UNC13C: variants seen among roughly 807,000 people sequenced by gnomAD.
UNC13C encodes the protein unc-13 homolog C.
A neutral mutation model predicts 245.4 loss-of-function variants in UNC13C; 174 were observed. The ratio of observed to expected loss-of-function variants is 0.71; its 90% CI spans 0.63 to 0.80. UNC13C has a LOEUF of 0.80. Ranked by LOEUF, UNC13C falls within the 30% of genes least tolerant of loss-of-function variation. UNC13C has a pLI of 0.00. For missense variants in UNC13C, 2,829 were observed against 2,602.9 expected (o/e 1.09, Z -1.89); for synonymous variants, 992 against 895.1 (o/e 1.11, Z -1.93).
chr15:54,414,882 A>C, intron 18 of UNC13C, 100 bp from the exon 19 acceptor site: 1 of 619,518 alleles, frequency 1.6e-6, no homozygotes, highest in South Asian at 2.8e-5. Context: ...GTATTTATGA[A>C]CTATGTAATA....
At chr15:54,467,519 C>G (rs967047405) in intron 19 of UNC13C, among the ~76,000 whole-genome samples, 2 of 151,576 alleles carry the variant, frequency 1.3e-5, no homozygotes, top group African/African-American at 4.8e-5. Context: ...TTGAAATACA[C>G]AATAAATTAT....
At chr15:54,500,515 T>A (rs1017694791) in intron 21 of UNC13C, among the ~76,000 whole-genome samples, 1 of 152,080 alleles carries the variant, frequency 6.6e-6, no homozygotes, top group African/African-American at 2.4e-5. Context: ...TCCCAGTCCC[T>A]GTGAAGCAGC....
intron 2 of UNC13C, among the ~76,000 whole-genome samples, chr15:54,043,321 T>C (rs1281365676): frequency 2.6e-5 from 4 of 152,212 alleles, no homozygotes; most frequent in African/African-American, 7.2e-5. Flanking sequence ...TCTGGAGATA[T>C]TAAGCCAGCA....
intron 29 of UNC13C, among the ~76,000 whole-genome samples, chr15:54,558,975 G>A (rs936426990): frequency 2.0e-5 from 3 of 151,814 alleles, no homozygotes; most frequent in South Asian, 2.1e-4. Context: ...AAGAGAAATA[G>A]CAGTTACACT....
chr15:54,237,734 C>A, intron 7 of UNC13C, 44 bp downstream of exon 7: 1 of 1,431,464 alleles, frequency 7.0e-7, no homozygotes, highest in Non-Finnish European at 9.7e-7. Flanking sequence ...AGATATTGCT[C>A]ATAATCACAA....
Position 54,567,855 on chromosome 15 carries a change from C to G in UNC13C, c.6014C>G (p.Pro2005Arg), listed in dbSNP as rs753630567. 1.9e-6 allele frequency: 3 copies of G among 1,603,700 alleles called. No homozygotes were observed. The highest frequency in any genetic ancestry group is 2.2e-5 in the East Asian group (1 of 44,582). The change falls in exon 30 of 33, where the codon CCA becomes CGA. Residue 2005 changes from proline (P) to arginine (R), a missense_variant. Transcript: ENST00000260323. Reference protein sequence around the residue: ...GLKKNFLEKSPDLQSLRYALS... With the variant: ...GLKKNFLEKSRDLQSLRYALS... ...AAAAAGAATTTCTTGGAGAAAAGCC[C>G]AGATCTTCAGTCTCTGAGATATGCT...
chr15:54,418,869 G>T (rs2040576942), intron 19 of UNC13C, among the ~76,000 whole-genome samples: 1 of 151,962 alleles, frequency 6.6e-6, no homozygotes, highest in South Asian at 2.1e-4. Flanking sequence ...TAATACCATT[G>T]ACCTAAACTT....
intron 4 of UNC13C, among the ~76,000 whole-genome samples, chr15:54,145,679 G>T (rs12917028): frequency 0.73 from 111,712 of 152,088 alleles, 42,277 homozygotes; most frequent in Non-Finnish European, 0.83. Flanking sequence ...TGAATTCTAA[G>T]TTAGTTATGA....
At chr15:54,218,576 G>A (rs148673714) in intron 4 of UNC13C, among the ~76,000 whole-genome samples, 2 of 152,052 alleles carry the variant, frequency 1.3e-5, no homozygotes, top group East Asian at 3.9e-4. Flanking sequence ...GACAGAAGTT[G>A]AAAGAGATGA....
chr15:54,581,343 T>C (rs1357526754), intron 30 of UNC13C, among the ~76,000 whole-genome samples: 2 of 152,202 alleles, frequency 1.3e-5, no homozygotes, highest in Non-Finnish European at 2.9e-5. Flanking sequence ...AGCCTCAGGA[T>C]TACCTGCTCA....
At chr15:54,407,288 G>T (rs1042612608) in intron 18 of UNC13C, among the ~76,000 whole-genome samples, 3 of 152,144 alleles carry the variant, frequency 2.0e-5, no homozygotes, top group Non-Finnish European at 4.4e-5. Flanking sequence ...TAGGAACAGG[G>T]AAGAGAGAGG....
At chr15:54,280,473 ACATT>A (rs1385502316) in intron 10 of UNC13C, among the ~76,000 whole-genome samples, 1 of 151,420 alleles carries the variant, frequency 6.6e-6, no homozygotes, top group Non-Finnish European at 1.5e-5. Flanking sequence ...ATTGACAATA[ACATT>A]CAGTGAGTCA....
intron 2 of UNC13C, among the ~76,000 whole-genome samples, chr15:54,086,737 CTTTTTTTT>C (rs57209912): frequency 1.1e-5 from 1 of 92,012 alleles, no homozygotes; most frequent in Non-Finnish European, 2.1e-5. Context: ...TATTTTCTTT[CTTTTTTTT>C]TTTTTTTTTT....
intron 2 of UNC13C, among the ~76,000 whole-genome samples, chr15:54,042,873 AAAAG>A (rs913167702): frequency 3.2e-5 from 4 of 126,684 alleles, no homozygotes; most frequent in African/African-American, 5.3e-5. Context: ...AAGAAAAAGA[AAAAG>A]AAACCACTTA....
intron 4 of UNC13C, among the ~76,000 whole-genome samples, chr15:54,146,759 A>C (rs1161989816): frequency 6.6e-6 from 1 of 152,240 alleles, no homozygotes; most frequent in Non-Finnish European, 1.5e-5. Context: ...CAGCAACTCA[A>C]TATGAAAAGT....
intron 18 of UNC13C, among the ~76,000 whole-genome samples, chr15:54,402,303 C>G (rs942461663): frequency 6.6e-6 from 1 of 152,064 alleles, no homozygotes; most frequent in Non-Finnish European, 1.5e-5. Flanking sequence ...TAAAACAGAT[C>G]AAGTGTGTTA....
chr15:54,390,708 C>G (rs1327838239), intron 17 of UNC13C, among the ~76,000 whole-genome samples: 1 of 151,920 alleles, frequency 6.6e-6, no homozygotes, highest in African/African-American at 2.4e-5. Flanking sequence ...TTAATTTCTA[C>G]TACAATAACC....
chr15:54,374,425 G>A (rs1277964278), intron 17 of UNC13C, among the ~76,000 whole-genome samples: 1 of 152,132 alleles, frequency 6.6e-6, no homozygotes, highest in East Asian at 1.9e-4. Flanking sequence ...AGCACCCAAA[G>A]TCTGGAGGGG....
At chr15:54,481,548 C>A (rs1468151593) in intron 19 of UNC13C, among the ~76,000 whole-genome samples, 1 of 152,072 alleles carries the variant, frequency 6.6e-6, no homozygotes, top group Non-Finnish European at 1.5e-5. Flanking sequence ...ATGATACATG[C>A]AAGTACTGGT....
Sources: gnomAD v4.1 joint callset for allele counts (sites outside exome capture counted in the v4.1 genomes callset) on GRCh38, gnomAD v4.1.1 for gene constraint, MANE v1.5 for transcripts, NCBI Gene and HGNC (gene_info 2026-07-23, HGNC 2026-07-21) for gene names.